SYN2: variants seen among roughly 807,000 people sequenced by gnomAD.
The protein encoded by SYN2 is synapsin II.
SYN2 carries 19 observed loss-of-function variants against 50.9 expected under a neutral mutation model. The ratio of observed to expected loss-of-function variants is 0.37; its 90% CI spans 0.26 to 0.55. The LOEUF (loss-of-function observed/expected upper bound fraction) is 0.55, where lower values mean the gene tolerates loss of function less well. Ranked by LOEUF, SYN2 falls within the 20% of genes least tolerant of loss-of-function variation. The pLI, the probability that SYN2 is intolerant of heterozygous loss-of-function variation, is 0.81. For synonymous variants in SYN2, 255 were observed against 224.9 expected (o/e 1.13, Z -1.20); for missense variants, 587 against 576.4 (o/e 1.02, Z -0.19).
intron 7 of SYN2, among the ~76,000 whole-genome samples, chr3:12,165,957 G>A (rs912760902): frequency 6.6e-6 from 1 of 152,138 alleles, no homozygotes; most frequent in African/African-American, 2.4e-5. Context: ...TCTCGGACAA[G>A]TCCTCTAACC....
At chr3:12,057,164 C>T (rs1430439190) in intron 1 of SYN2, among the ~76,000 whole-genome samples, 3 of 152,024 alleles carry the variant, frequency 2.0e-5, no homozygotes, top group East Asian at 1.9e-4. Flanking sequence ...TGGTGGCATG[C>T]GCCTGTAATC....
intron 1 of SYN2, chr3:12,070,070 G>A (rs1695311096): frequency 4.2e-6 from 1 of 240,248 alleles, no homozygotes; most frequent in Admixed American, 4.8e-5. Flanking sequence ...AAAGTGCTGA[G>A]ATGATAGGCA....
intron 1 of SYN2, among the ~76,000 whole-genome samples, chr3:12,124,040 A>G (rs1230370188): frequency 1.3e-5 from 2 of 152,120 alleles, no homozygotes; most frequent in African/African-American, 2.4e-5. Flanking sequence ...ACAAGTTTAC[A>G]TCTCAGAGAT....
chr3:12,085,844 A>AG, intron 1 of SYN2, among the ~76,000 whole-genome samples: 1 of 152,316 alleles, frequency 6.6e-6, no homozygotes, highest in East Asian at 1.9e-4. Context: ...CAAAGGAACT[A>AG]GAAAAAGAAC....
chr3:12,153,812 G>A, intron 5 of SYN2: 1 of 1,283,262 alleles, frequency 7.8e-7, no homozygotes, highest in Non-Finnish European at 1.1e-6. Flanking sequence ...CATCTCAAAT[G>A]CCCCCTATCT....
intron 1 of SYN2, among the ~76,000 whole-genome samples, chr3:12,012,293 A>G (rs1693926194): frequency 6.6e-6 from 1 of 152,174 alleles, no homozygotes; most frequent in Admixed American, 6.5e-5. Context: ...TTTTACTTGT[A>G]ACTAATTAAG....
At chr3:12,167,070 G>A (rs1350226335) in intron 7 of SYN2, among the ~76,000 whole-genome samples, 164 bp from the exon 8 acceptor site, 1 of 152,186 alleles carries the variant, frequency 6.6e-6, no homozygotes, top group Non-Finnish European at 1.5e-5. Context: ...GTGGGGATTT[G>A]GCAGAGGCAC....
At chr3:12,049,494 G>A (rs963266558) in intron 1 of SYN2, among the ~76,000 whole-genome samples, 2 of 151,034 alleles carry the variant, frequency 1.3e-5, no homozygotes, top group African/African-American at 2.4e-5. Context: ...ATTGCAGCCA[G>A]GGTGACAGAG....
At chr3:12,069,814 T>G (rs953123633) in intron 1 of SYN2, among the ~76,000 whole-genome samples, 29 of 149,466 alleles carry the variant, frequency 1.9e-4, no homozygotes, top group African/African-American at 6.6e-4. Flanking sequence ...TGTTTTGGGT[T>G]TTTTTTTTTT....
chr3:12,138,171 T>C (rs1324331432), intron 1 of SYN2, among the ~76,000 whole-genome samples: 1 of 152,226 alleles, frequency 6.6e-6, no homozygotes, highest in Non-Finnish European at 1.5e-5. Context: ...AAGAATGTGC[T>C]CATTCTCCAG....
chr3:12,177,019 C>T (rs957452837), intron 10 of SYN2, among the ~76,000 whole-genome samples: 1 of 152,152 alleles, frequency 6.6e-6, no homozygotes, highest in Non-Finnish European at 1.5e-5. Context: ...ATAAAATCTC[C>T]TTCCAAGCCT....
intron 5 of SYN2, among the ~76,000 whole-genome samples, chr3:12,160,564 A>G (rs911853861): frequency 7.9e-5 from 12 of 152,254 alleles, no homozygotes; most frequent in African/African-American, 2.9e-4. Context: ...TGCCCGGGTT[A>G]GCATCCAGGC....
intron 1 of SYN2, among the ~76,000 whole-genome samples, chr3:12,054,517 G>A (rs1375879252): frequency 6.6e-6 from 1 of 152,094 alleles, no homozygotes; most frequent in Non-Finnish European, 1.5e-5. Flanking sequence ...AGGAGCAAAA[G>A]ATTTGTCTGA....
intron 5 of SYN2, 31 bp from the exon 6 acceptor site, chr3:12,161,515 G>A: frequency 6.2e-7 from 1 of 1,613,256 alleles, no homozygotes; most frequent in Non-Finnish European, 8.5e-7. Flanking sequence ...GGCACACTCT[G>A]ACAGTTTATT....
intron 1 of SYN2, among the ~76,000 whole-genome samples, chr3:12,016,945 A>G (rs909641973): frequency 7.9e-5 from 12 of 152,138 alleles, no homozygotes; most frequent in Admixed American, 7.2e-4. Context: ...AGTGGTTTCT[A>G]AAGGTTGGAC....
intron 10 of SYN2, among the ~76,000 whole-genome samples, chr3:12,182,458 G>A (rs1698243492): frequency 2.0e-5 from 3 of 152,140 alleles, no homozygotes; most frequent in South Asian, 2.1e-4. Flanking sequence ...AAACTAAGTC[G>A]CACAGGTCTT....
intron 1 of SYN2, among the ~76,000 whole-genome samples, chr3:12,052,101 C>T (rs1279516076): frequency 6.6e-6 from 1 of 152,102 alleles, no homozygotes; most frequent in Non-Finnish European, 1.5e-5. Flanking sequence ...CATATGGGAT[C>T]GATATTCACA....
chr3:12,115,913 A>G (rs1175117255), intron 1 of SYN2, among the ~76,000 whole-genome samples: 2 of 152,176 alleles, frequency 1.3e-5, no homozygotes, highest in Admixed American at 1.3e-4. Context: ...ACCTCCTAGC[A>G]TATAATAGGT....
chr3:12,015,163 C>CGGGG (rs1694001647), intron 1 of SYN2, among the ~76,000 whole-genome samples: 1 of 152,150 alleles, frequency 6.6e-6, no homozygotes, highest in Non-Finnish European at 1.5e-5. Context: ...GTGTCTTTAC[C>CGGGG]TGGATAATCT....
Sources: allele counts gnomAD v4.1 joint callset (sites outside exome capture counted in the v4.1 genomes callset), GRCh38; gene constraint gnomAD v4.1.1; transcripts MANE v1.5; gene names NCBI Gene and HGNC (gene_info 2026-07-23, HGNC 2026-07-21).